Variants in PCP4 observed in about 807,000 individuals in gnomAD.
PCP4 encodes the protein calmodulin regulator protein PCP4.
PCP4 carries 8 observed loss-of-function variants against 10.0 expected under a neutral mutation model. The ratio of observed to expected loss-of-function variants is 0.80; its 90% CI spans 0.47 to 1.45. The LOEUF is 1.45. Ranked by LOEUF, PCP4 falls within the 40% of genes most tolerant of loss-of-function variation. PCP4 has a pLI of 0.00. For missense variants in PCP4, 54 were observed against 74.4 expected (o/e 0.73, Z 1.01); for synonymous variants, 21 against 23.0 (o/e 0.91, Z 0.24).
chr21:39,878,117 G>T (rs77034428), intron 1 of PCP4, among the ~76,000 whole-genome samples: 3 of 152,144 alleles, frequency 2.0e-5, no homozygotes, highest in African/African-American at 7.2e-5. Context: ...TAAAGAACTT[G>T]TAGGGGGAGA....
At chr21:39,867,779 T>C (rs548118257) in intron 1 of PCP4, among the ~76,000 whole-genome samples, 3 of 152,322 alleles carry the variant, frequency 2.0e-5, no homozygotes, top group South Asian at 4.1e-4. Flanking sequence ...CTTTGGGTTT[T>C]AGAGCTCAGA....
intron 1 of PCP4, among the ~76,000 whole-genome samples, chr21:39,877,746 C>T (rs914308363): frequency 6.6e-6 from 1 of 152,012 alleles, no homozygotes. Context: ...AGAAACAAGA[C>T]CCTTGTTGGC....
intron 1 of PCP4, chr21:39,898,217 C>T: frequency 1.9e-6 from 1 of 514,344 alleles, no homozygotes; most frequent in Non-Finnish European, 3.5e-6. Context: ...CTTGATCTCC[C>T]TCCTGGTTTC....
At chr21:39,912,530 C>T (rs901485807) in intron 2 of PCP4, among the ~76,000 whole-genome samples, 15 of 151,922 alleles carry the variant, frequency 9.9e-5, no homozygotes, top group African/African-American at 2.9e-4. Flanking sequence ...TAAAACAGGC[C>T]CTGGTTAAAT....
At chr21:39,910,369 C>T (rs2087533768) in intron 2 of PCP4, among the ~76,000 whole-genome samples, 1 of 152,144 alleles carries the variant, frequency 6.6e-6, no homozygotes, top group African/African-American at 2.4e-5. Flanking sequence ...CCTCCTCTCA[C>T]CCAACCTTTC....
intron 1 of PCP4, among the ~76,000 whole-genome samples, chr21:39,873,071 C>G (rs1450532220): frequency 4.6e-5 from 7 of 152,072 alleles, no homozygotes; most frequent in Non-Finnish European, 8.8e-5. Flanking sequence ...CCTATGTTTC[C>G]CTGTTGTCTC....
intron 1 of PCP4, among the ~76,000 whole-genome samples, chr21:39,871,826 A>T (rs1055147458): frequency 1.3e-5 from 2 of 152,192 alleles, no homozygotes; most frequent in Non-Finnish European, 2.9e-5. Flanking sequence ...TCTCTTTTGA[A>T]TTTTAAGAAT....
intron 2 of PCP4, among the ~76,000 whole-genome samples, chr21:39,909,602 C>T (rs577723404): frequency 6.6e-6 from 1 of 151,598 alleles, no homozygotes; most frequent in Non-Finnish European, 1.5e-5. Context: ...AGTGGAAATA[C>T]GTATTGATTG....
At chr21:39,893,182 C>T (rs538310942) in intron 1 of PCP4, among the ~76,000 whole-genome samples, 32 of 152,268 alleles carry the variant, frequency 2.1e-4, no homozygotes, top group African/African-American at 7.0e-4. Flanking sequence ...ATAGTGCAAC[C>T]GACATCTGCC....
At chr21:39,903,540 G>A (rs893759789) in intron 2 of PCP4, among the ~76,000 whole-genome samples, 4 of 152,166 alleles carry the variant, frequency 2.6e-5, no homozygotes, top group African/African-American at 7.2e-5. Flanking sequence ...AGAAGTTTCA[G>A]TAGGTGTGGG....
chr21:39,898,428 G>A (rs766732498), intron 1 of PCP4, 48 bp from the exon 2 acceptor site: 34 of 1,442,596 alleles, frequency 2.4e-5, no homozygotes, highest in South Asian at 8.0e-5. Context: ...AAGTAATCCC[G>A]AGTATATCTG....
chr21:39,902,484 G>C (rs1417396018), intron 2 of PCP4, among the ~76,000 whole-genome samples: 1 of 152,088 alleles, frequency 6.6e-6, no homozygotes, highest in African/African-American at 2.4e-5. Flanking sequence ...TATCTTGAGA[G>C]CACCATTTTC....
chr21:39,873,374 C>G (rs537099392), intron 1 of PCP4, among the ~76,000 whole-genome samples: 1 of 152,006 alleles, frequency 6.6e-6, no homozygotes, highest in African/African-American at 2.4e-5. Context: ...ATTTAATTAT[C>G]ATCTAAAATT....
chr21:39,895,434 AC>A (rs775512093), intron 1 of PCP4, among the ~76,000 whole-genome samples: 10 of 152,184 alleles, frequency 6.6e-5, no homozygotes, highest in Non-Finnish European at 1.2e-4. Flanking sequence ...TTACCTTCAA[AC>A]TCAAATCTTA....
At chr21:39,887,317 C>CCATCA (rs1344891322) in intron 1 of PCP4, among the ~76,000 whole-genome samples, 7 of 149,674 alleles carry the variant, frequency 4.7e-5, no homozygotes, top group Admixed American at 6.8e-5. Context: ...ATTGAAAATC[C>CCATCA]CATCACTTTT....
intron 1 of PCP4, among the ~76,000 whole-genome samples, chr21:39,872,245 C>T (rs552338298): frequency 2.0e-4 from 31 of 152,268 alleles, no homozygotes; most frequent in Non-Finnish European, 2.9e-4. Flanking sequence ...GTGATCCGCC[C>T]GCCTTGGCCT....
rs79345501 is a variant in PCP4 at position 39,893,515 on chromosome 21, G to A, written c.10-4961G>A. 4.6e-3 allele frequency among the ~76,000 whole-genome samples: 695 copies of A among 152,328 alleles called. 7 individuals are homozygous for A. Among genetic ancestry groups the A allele is most frequent in the African/African-American group, 0.015 (633 of 41,574 alleles). ...TGAAGCTGTGTGAATTGCTTGGCAC[G>A]TGTTTAAGAACCCAGAGGCATCTCA... On this transcript the variant is annotated intron_variant, in intron 1 of 2. Transcript: ENST00000328619.
In PCP4 at chr21:39,906,104, G is replaced by C. The variant is rs1461741189; in HGVS notation, c.61+7577G>C. 2.6e-5 allele frequency among the ~76,000 whole-genome samples: 4 copies of C among 152,344 alleles called. No homozygotes were observed. The highest frequency in any genetic ancestry group is 4.4e-5 in the Non-Finnish European group (3 of 68,028). ...GATGTTACCATGGCCTTGCAGGTGGGTTGGGAGAGGATCTCAGGCAAAGTT... is the reference window on the plus strand; with the variant it reads ...GATGTTACCATGGCCTTGCAGGTGGCTTGGGAGAGGATCTCAGGCAAAGTT... On this transcript the variant is annotated intron_variant, in intron 2 of 2. Transcript: ENST00000328619. This position sits in a 1 kb window ranked among gnomAD's most constrained non-coding sequence, Gnocchi z 6.3.
chr21:39,899,721 T>G (rs929317964), intron 2 of PCP4, among the ~76,000 whole-genome samples: 2 of 152,140 alleles, frequency 1.3e-5, no homozygotes, highest in Admixed American at 1.3e-4. Flanking sequence ...GCTCTTCCTT[T>G]GCTGCCCAGG....
Sources: gnomAD v4.1 joint callset for allele counts (sites outside exome capture counted in the v4.1 genomes callset) on GRCh38, gnomAD v4.1.1 for gene constraint, Gnocchi (gnomAD v3.1) non-coding constraint, MANE v1.5 for transcripts, NCBI Gene and HGNC (gene_info 2026-07-23, HGNC 2026-07-21) for gene names.